WDHD1: variants seen among roughly 807,000 people sequenced by gnomAD.
WDHD1 encodes WD repeat and HMG-box DNA binding protein 1.
WDHD1 carries 111 observed loss-of-function variants against 135.4 expected under a neutral mutation model. The ratio of observed to expected loss-of-function variants is 0.82; its 90% confidence interval spans 0.70 to 0.96. WDHD1 has a LOEUF of 0.96. Ranked by LOEUF, WDHD1 falls within the 40% of genes least tolerant of loss-of-function variation. The pLI is 0.00. For synonymous variants in WDHD1, 434 were observed against 439.0 expected (o/e 0.99, Z 0.14); for missense variants, 1,351 against 1,336.3 (o/e 1.01, Z -0.17).
chr14:54,987,098 A>G (rs781228763), intron 14 of WDHD1, 48 bp downstream of exon 14: 2 of 1,598,030 alleles, frequency 1.3e-6, no homozygotes, highest in Non-Finnish European at 1.7e-6. Flanking sequence ...AAAAAGCTCA[A>G]GTAATTTCCA....
chr14:54,976,375 C>T (rs2041524454), intron 16 of WDHD1, among the ~76,000 whole-genome samples: 1 of 152,082 alleles, frequency 6.6e-6, no homozygotes, highest in African/African-American at 2.4e-5. Context: ...GCATGTACCA[C>T]CATGCCTGGC....
chr14:54,993,424 C>A (rs1045362116), intron 11 of WDHD1, among the ~76,000 whole-genome samples: 1 of 152,050 alleles, frequency 6.6e-6, no homozygotes, highest in Non-Finnish European at 1.5e-5. Flanking sequence ...CCAGCCAGAC[C>A]AATGAATCTT....
In WDHD1 at chr14:55,016,051, T is replaced by C. The variant is rs114955732; in HGVS notation, c.78-2455A>G. Among the ~76,000 whole-genome samples, 822 of 152,342 alleles carry C rather than the reference T, an allele frequency of 5.4e-3. 10 individuals carry two copies. The highest frequency in any genetic ancestry group is 0.018 in the African/African-American group (763 of 41,574). ...ATGCACTGGAGGAGACGTACAAAGTTACAGGTGCCAGTTGGTGGGACCAAT... is the reference window on the plus strand; with the variant it reads ...ATGCACTGGAGGAGACGTACAAAGTCACAGGTGCCAGTTGGTGGGACCAAT... On this transcript the variant is annotated intron_variant, in intron 2 of 25. Transcript: ENST00000360586.
intron 2 of WDHD1, among the ~76,000 whole-genome samples, chr14:55,022,248 T>C (rs1033473044): frequency 6.6e-6 from 1 of 152,234 alleles, no homozygotes; most frequent in Non-Finnish European, 1.5e-5. Context: ...TAGGTCTTTT[T>C]GTTATACAAC....
At chr14:55,007,472 A>G (rs45459500) in intron 6 of WDHD1, 97 bp from the exon 7 acceptor site, 147,209 of 859,748 alleles carry the variant, frequency 0.17, 13,582 homozygotes, top group Admixed American at 0.21. Context: ...AAATCAATAT[A>G]TATCTCAGAA....
intron 16 of WDHD1, 125 bp from the exon 17 acceptor site, chr14:54,967,519 T>C (rs1321347666): frequency 3.5e-6 from 2 of 570,938 alleles, no homozygotes. Context: ...CTTAATCATA[T>C]ATAACAAATA....
intron 4 of WDHD1, among the ~76,000 whole-genome samples, 153 bp from the exon 5 acceptor site, chr14:55,008,872 C>A (rs2042117966): frequency 6.6e-6 from 1 of 151,678 alleles, no homozygotes; most frequent in Non-Finnish European, 1.5e-5. Context: ...GCGATCTCAA[C>A]TGCAACCTCC....
rs751571622 is a variant in WDHD1, at chr14:55,000,871, T to C, written c.800+15A>G. The C allele has an allele frequency of 1.3e-6, 2 of 1,494,838 alleles. No individual in the cohort carries two copies. The highest frequency in any genetic ancestry group is 2.9e-5 in the South Asian group (2 of 68,596). 92.6% of individuals were successfully genotyped at this position (1,494,838 alleles called of 1,614,324 possible). ...AGATGAGCAAAGAAGAGACAAAAGA[T>C]ACACTAAATCATACCTTTCCATGCA... On this transcript the variant is annotated intron_variant, in intron 9 of 25. Coordinates refer to ENST00000360586, the MANE Select transcript of WDHD1 (RefSeq NM_007086.4).
chr14:54,982,432 AG>A lies in WDHD1; in HGVS notation c.1907-737del, dbSNP rs2041633931. 2.0e-5 allele frequency among the ~76,000 whole-genome samples: 3 copies of A among 152,224 alleles called. No homozygotes were observed. The South Asian group carries it at 6.2e-4, about 32-fold the overall frequency. On this transcript the variant is annotated intron_variant, in intron 15 of 25. Transcript: ENST00000360586. ...AGTGATCTTTACGAAATTTATCTTT[AG>A]TACTCTTCTTCCTCTCTCTTCTTTT...
chr14:54,953,557 G>C (rs1384075282), intron 24 of WDHD1, among the ~76,000 whole-genome samples: 1 of 152,112 alleles, frequency 6.6e-6, no homozygotes, highest in African/African-American at 2.4e-5. Context: ...TGTGGAAGGC[G>C]GTGTGGCGAT....
chr14:54,991,279 C>T lies in WDHD1; in HGVS notation c.1275G>A (p.Met425Ile), dbSNP rs1040143499. Residue 425 changes from methionine (M) to isoleucine (I), a missense_variant, in exon 12 of 26, where the codon ATG becomes ATA. Met to Ile is a conservative substitution (Grantham distance 10). Coordinates refer to ENST00000360586, the MANE Select transcript of WDHD1 (RefSeq NM_007086.4). ...TSQRPFYDGP[M>I]PTPRQKPFQS... Reference sequence around the variant, plus strand: ...GAAATGGCTTTTGCCGGGGAGTTGGCATGGGTCCATCATAAAATGGCCTTT... The same window carrying T: ...GAAATGGCTTTTGCCGGGGAGTTGGTATGGGTCCATCATAAAATGGCCTTT... 1.2e-6 allele frequency: 2 copies of T among 1,613,432 alleles called. No individual in the cohort carries two copies. Among genetic ancestry groups the T allele is most frequent in the Non-Finnish European group, 1.7e-6 (2 of 1,179,548 alleles).
At chr14:55,007,491 C>T (rs746561491) in intron 6 of WDHD1, 116 bp from the exon 7 acceptor site, 2 of 655,612 alleles carry the variant, frequency 3.1e-6, no homozygotes, top group Non-Finnish European at 5.0e-6. Flanking sequence ...AAAAATGCAA[C>T]TTAATGCACC....
intron 3 of WDHD1, among the ~76,000 whole-genome samples, chr14:55,011,616 G>A (rs929053118): frequency 6.7e-6 from 1 of 149,404 alleles, no homozygotes; most frequent in African/African-American, 2.5e-5. Context: ...TTGGGGTTAA[G>A]TCTTCTTAAT....
At chr14:55,025,780 T>C (rs371577212) in intron 2 of WDHD1, among the ~76,000 whole-genome samples, 1 of 152,234 alleles carries the variant, frequency 6.6e-6, no homozygotes, top group South Asian at 2.1e-4. Context: ...CTTCAGTTCT[T>C]TGAGCATACC....
rs531720172 is a variant in WDHD1, at chr14:55,013,710, A to G, written c.78-114T>C. 4 of 772,560 alleles carry G rather than the reference A, an allele frequency of 5.2e-6. No homozygotes were observed. In the African/African-American group the frequency reaches 6.9e-5, roughly 13 times the overall value. 47.9% of individuals were successfully genotyped at this position (772,560 alleles called of 1,614,324 possible). A position where few individuals can be genotyped will look rare whatever the true frequency, so the allele number is the denominator to read the frequency against. ...TGCTTGAGGCCAGGAGTTCAAGACT[A>G]GCCTGGATAATACAGAGAGACCTAG... On this transcript the variant is annotated intron_variant, in intron 2 of 25. Transcript: ENST00000360586.
intron 13 of WDHD1, 106 bp downstream of exon 13, chr14:54,988,922 T>C (rs1225175642): frequency 7.7e-6 from 8 of 1,032,438 alleles, no homozygotes; most frequent in South Asian, 3.7e-5. Context: ...TGAAATTTCA[T>C]ATTACAAAAA....
At chr14:54,949,422 T>A (rs2040999369) in intron 24 of WDHD1, among the ~76,000 whole-genome samples, 1 of 152,026 alleles carries the variant, frequency 6.6e-6, no homozygotes. Flanking sequence ...ATCAAATGAA[T>A]GAAATGAAGC....
Position 54,962,528 on chromosome 14 carries a change from T to C in WDHD1, c.2671A>G (p.Thr891Ala). The change falls in exon 21 of 26, where the codon ACA (threonine) becomes GCA (alanine). Residue 891 changes from threonine to alanine, a missense_variant. Thr to Ala is a moderately conservative substitution (Grantham distance 58, BLOSUM62 0). Transcript: ENST00000360586. The stretch of plus-strand genomic sequence containing the variant: ...TTAGCTGAAACATCAGAGGAATTTG[T>C]ACTTTTGGAAAACGAGTTCTGTCCT... Reference protein sequence around the residue: ...KPGQNSFSKSTNSSDVSAKSG... With the variant: ...KPGQNSFSKSANSSDVSAKSG... 6.2e-7 allele frequency: 1 copy of C among 1,610,358 alleles called. No individual in the cohort carries two copies. Among genetic ancestry groups the C allele is most frequent in the Non-Finnish European group, 8.5e-7 (1 of 1,178,024 alleles).
At chr14:54,978,073 C>A (rs926478076) in intron 16 of WDHD1, among the ~76,000 whole-genome samples, 1 of 152,102 alleles carries the variant, frequency 6.6e-6, no homozygotes, top group Non-Finnish European at 1.5e-5. Flanking sequence ...TAAATAATTT[C>A]ATATACCTCT....
Sources: allele counts gnomAD v4.1 joint callset (sites outside exome capture counted in the v4.1 genomes callset), GRCh38; gene constraint gnomAD v4.1.1; transcripts MANE v1.5; gene names NCBI Gene and HGNC (gene_info 2026-07-23, HGNC 2026-07-21).